The following NRXN3 variants were observed in gnomAD, a reference collection of about 807,000 sequenced individuals.
NRXN3 encodes neurexin 3, also known as neurexin III.
NRXN3 carries 32 observed loss-of-function variants against 137.6 expected under a neutral mutation model. The ratio of observed to expected loss-of-function variants is 0.23; its 90% CI spans 0.18 to 0.31. NRXN3 has a LOEUF of 0.31. Ranked by LOEUF, NRXN3 falls within the 10% of genes least tolerant of loss-of-function variation. NRXN3 has a pLI of 1.00. For missense variants in NRXN3, 1,574 were observed against 2,062.5 expected (o/e 0.76, Z 4.59); for synonymous variants, 798 against 784.5 (o/e 1.02, Z -0.29).
chr14:78,763,533 A>G (rs2098699490), intron 8 of NRXN3, among the ~76,000 whole-genome samples: 1 of 151,968 alleles, frequency 6.6e-6, no homozygotes, highest in African/African-American at 2.4e-5. Flanking sequence ...ATTATAGCTA[A>G]ATACCAAGCA....
At chr14:79,581,495 G>A (rs958393272) in intron 16 of NRXN3, among the ~76,000 whole-genome samples, 2 of 152,138 alleles carry the variant, frequency 1.3e-5, no homozygotes, top group Non-Finnish European at 2.9e-5. Flanking sequence ...CTTTCAAAAG[G>A]GTTCTAGTCA....
At chr14:79,795,497 C>A (rs2099158395) in intron 19 of NRXN3, among the ~76,000 whole-genome samples, 2 of 152,162 alleles carry the variant, frequency 1.3e-5, no homozygotes, top group African/African-American at 4.8e-5. Context: ...AAGCTGACCT[C>A]CTCTGCATTT....
At chr14:79,766,088 C>G (rs1242342538) in intron 19 of NRXN3, among the ~76,000 whole-genome samples, 1 of 152,094 alleles carries the variant, frequency 6.6e-6, no homozygotes, top group African/African-American at 2.4e-5. Context: ...TTTAAACAGT[C>G]CCCTATTGTT....
At chr14:79,775,553 G>GAA (rs749252781) in intron 19 of NRXN3, among the ~76,000 whole-genome samples, 972 of 68,972 alleles carry the variant, frequency 0.014, 13 homozygotes, top group African/African-American at 0.044. Context: ...GGCTCTAACC[G>GAA]AAAAAAAAAA....
At chr14:78,255,933 C>T (rs985321765) in intron 2 of NRXN3, among the ~76,000 whole-genome samples, 9 of 152,156 alleles carry the variant, frequency 5.9e-5, no homozygotes, top group African/African-American at 1.7e-4. Flanking sequence ...CAGGTCCAAT[C>T]GGACCACACT....
At chr14:79,705,746 G>C (rs772104567) in intron 19 of NRXN3, among the ~76,000 whole-genome samples, 5 of 151,952 alleles carry the variant, frequency 3.3e-5, no homozygotes, top group Non-Finnish European at 5.9e-5. Flanking sequence ...TTCCAGAAAG[G>C]ACCTTCTTGA....
chr14:79,296,232 G>A (rs1342333690), intron 15 of NRXN3, among the ~76,000 whole-genome samples: 1 of 152,096 alleles, frequency 6.6e-6, no homozygotes, highest in Non-Finnish European at 1.5e-5. Flanking sequence ...AATAGAGTGA[G>A]TGGGCTGAAA....
chr14:78,360,423 A>G (rs575566969), intron 4 of NRXN3, among the ~76,000 whole-genome samples: 2 of 152,370 alleles, frequency 1.3e-5, no homozygotes, highest in East Asian at 3.9e-4. Flanking sequence ...AGTTTTTAAC[A>G]TAAGGTGTTT....
chr14:79,747,223 G>T (rs1188810534), intron 19 of NRXN3, among the ~76,000 whole-genome samples: 1 of 151,954 alleles, frequency 6.6e-6, no homozygotes, highest in Non-Finnish European at 1.5e-5. Context: ...AGGTAGTTTT[G>T]CAGAAACTGG....
chr14:79,722,050 A>T (rs2098846489), intron 19 of NRXN3, among the ~76,000 whole-genome samples: 1 of 152,148 alleles, frequency 6.6e-6, no homozygotes, highest in South Asian at 2.1e-4. Flanking sequence ...TATAACAGTC[A>T]GCAAGTTACT....
chr14:78,435,662 A>G (rs1464045264), intron 4 of NRXN3, among the ~76,000 whole-genome samples: 1 of 152,172 alleles, frequency 6.6e-6, no homozygotes, highest in African/African-American at 2.4e-5. Context: ...TATTTGAGAA[A>G]TTACTTAGTG....
intron 16 of NRXN3, among the ~76,000 whole-genome samples, chr14:79,649,085 C>T (rs2098464054): frequency 6.6e-6 from 1 of 152,138 alleles, no homozygotes. Flanking sequence ...AATTCCTTGT[C>T]TGTATCCTTA....
In NRXN3 at chr14:79,841,514, G is replaced by T. The variant is rs2293837; in HGVS notation, c.4094-19828G>T. On this transcript the variant is annotated intron_variant, in intron 20 of 20. Coordinates refer to ENST00000335750, the MANE Select transcript of NRXN3 (RefSeq NM_001330195.2). ...TATTCTATAAACACAATCATAAAGCGTAATGGTATCAGTTCAGGAGAAAGG... is the reference window on the plus strand; with the variant it reads ...TATTCTATAAACACAATCATAAAGCTTAATGGTATCAGTTCAGGAGAAAGG... Among the ~76,000 whole-genome samples, 20 of 152,080 alleles carry T rather than the reference G, an allele frequency of 1.3e-4. No homozygotes were observed. The East Asian group carries it at 1.9e-3, about 15-fold the overall frequency.
intron 2 of NRXN3, among the ~76,000 whole-genome samples, chr14:78,272,318 CACA>C (rs1389355470): frequency 6.6e-6 from 1 of 152,142 alleles, no homozygotes; most frequent in African/African-American, 2.4e-5. Context: ...CACTAGAGTG[CACA>C]TACCAGTAGG....
intron 15 of NRXN3, among the ~76,000 whole-genome samples, chr14:79,270,916 C>T (rs994381137): frequency 6.6e-6 from 1 of 152,094 alleles, no homozygotes. Flanking sequence ...GCCCTTATTC[C>T]CCATATTGCA....
chr14:79,111,735 CAAA>C (rs1212843626), intron 15 of NRXN3, among the ~76,000 whole-genome samples: 6 of 87,530 alleles, frequency 6.9e-5, no homozygotes, highest in Non-Finnish European at 5.4e-5. Flanking sequence ...GACTCCATCT[CAAA>C]AAAAAAAAAA....
chr14:78,836,151 A>G (rs1016809319), intron 10 of NRXN3, among the ~76,000 whole-genome samples: 26 of 152,216 alleles, frequency 1.7e-4, no homozygotes, highest in African/African-American at 5.8e-4. Flanking sequence ...CATATGCACT[A>G]GAAACAGTTA....
intron 14 of NRXN3, among the ~76,000 whole-genome samples, chr14:78,974,084 T>C (rs2099454784): frequency 6.6e-6 from 1 of 152,112 alleles, no homozygotes; most frequent in African/African-American, 2.4e-5. Flanking sequence ...GAATATACAC[T>C]AGTTAGGACT....
intron 14 of NRXN3, among the ~76,000 whole-genome samples, chr14:78,975,612 T>C (rs539249875): frequency 2.6e-5 from 4 of 152,184 alleles, no homozygotes; most frequent in African/African-American, 9.6e-5. Context: ...AGACAGAAAC[T>C]AGAAACAGAG....
Sources: allele counts gnomAD v4.1 joint callset (sites outside exome capture counted in the v4.1 genomes callset), GRCh38; gene constraint gnomAD v4.1.1; transcripts MANE v1.5; gene names NCBI Gene and HGNC (gene_info 2026-07-23, HGNC 2026-07-21).